NRCAM: variants seen among roughly 807,000 people sequenced by gnomAD.
The protein encoded by NRCAM is NgCAM-related cell adhesion molecule.
A neutral mutation model predicts 156.5 loss-of-function variants in NRCAM; 83 were observed. The ratio of observed to expected loss-of-function variants is 0.53; its 90% confidence interval spans 0.44 to 0.64. The LOEUF (loss-of-function observed/expected upper bound fraction) is 0.64. Ranked by LOEUF, NRCAM falls within the 30% of genes least tolerant of loss-of-function variation. The pLI is 0.00. For missense variants in NRCAM, 1,417 were observed against 1,597.3 expected, an observed-to-expected ratio of 0.89 and a Z score of 1.92; for synonymous variants, 538 against 563.9, an observed-to-expected ratio of 0.95 and a Z score of 0.65.
intron 2 of NRCAM, among the ~76,000 whole-genome samples, chr7:108,360,883 T>C (rs895393210): frequency 1.3e-5 from 2 of 152,078 alleles, no homozygotes; most frequent in Non-Finnish European, 2.9e-5. Context: ...GCTAAAACCA[T>C]AAAACTATTA....
intron 32 of NRCAM, among the ~76,000 whole-genome samples, chr7:108,155,182 T>C (rs1399674967): frequency 6.7e-6 from 1 of 148,696 alleles, no homozygotes; most frequent in Non-Finnish European, 1.5e-5. Flanking sequence ...TTTAATGGAG[T>C]AGGCAGCAGT....
At chr7:108,410,925 G>A (rs986404538) in intron 1 of NRCAM, among the ~76,000 whole-genome samples, 11 of 152,170 alleles carry the variant, frequency 7.2e-5, no homozygotes, top group Admixed American at 4.6e-4. Context: ...AACATCTTTC[G>A]TATCATCCCG....
intron 1 of NRCAM, among the ~76,000 whole-genome samples, chr7:108,420,039 C>CGTGTGTGTGTGTGTGT (rs35840496): frequency 1.4e-5 from 2 of 146,640 alleles, no homozygotes; most frequent in African/African-American, 5.1e-5. Context: ...TTAGTTCCAT[C>CGTGTGTGTGTGTGTGT]GTGTGTGTGT....
At chr7:108,395,026 T>A (rs2154382680) in intron 2 of NRCAM, among the ~76,000 whole-genome samples, 1 of 152,322 alleles carries the variant, frequency 6.6e-6, no homozygotes, top group South Asian at 2.1e-4. Context: ...CAGATGCTTT[T>A]AAAAAGCTAG....
At chr7:108,383,193 A>G (rs2099709762) in intron 2 of NRCAM, among the ~76,000 whole-genome samples, 1 of 151,834 alleles carries the variant, frequency 6.6e-6, no homozygotes, top group Non-Finnish European at 1.5e-5. Context: ...TTCTAAAGTC[A>G]CTCCTGTCTG....
chr7:108,275,377 T>C (rs2097554352), intron 3 of NRCAM, among the ~76,000 whole-genome samples: 1 of 152,198 alleles, frequency 6.6e-6, no homozygotes, highest in Admixed American at 6.5e-5. Flanking sequence ...CTGGACTTTT[T>C]TGATTGGTAG....
chr7:108,355,307 A>G (rs2099484693), intron 2 of NRCAM, among the ~76,000 whole-genome samples: 1 of 152,250 alleles, frequency 6.6e-6, no homozygotes, highest in Non-Finnish European at 1.5e-5. Context: ...CCTGGTGAGG[A>G]GCATAAGTTT....
rs190216317 is a variant in NRCAM, at chr7:108,445,907, A to G, written c.-332+10336T>C. Among the ~76,000 whole-genome samples the G allele has an allele frequency of 3.3e-5, 5 of 152,342 alleles. No homozygotes were observed. The East Asian group carries it at 9.6e-4, about 29-fold the overall frequency. ...AAAGTTCCATTTTTAAAGCTACAGCATGAGAGCTTCTGATCTGTTTCACAA... is the reference window on the plus strand; with the variant it reads ...AAAGTTCCATTTTTAAAGCTACAGCGTGAGAGCTTCTGATCTGTTTCACAA... On this transcript the variant is annotated intron_variant, in intron 1 of 32. Coordinates refer to ENST00000379028, the MANE Select transcript of NRCAM (RefSeq NM_001037132.4).
At chr7:108,250,993 G>A (rs1186760624) in intron 3 of NRCAM, among the ~76,000 whole-genome samples, 1 of 152,102 alleles carries the variant, frequency 6.6e-6, no homozygotes, top group Non-Finnish European at 1.5e-5. Context: ...AGTATTTTCG[G>A]CCAAAGTATC....
intron 11 of NRCAM, among the ~76,000 whole-genome samples, chr7:108,210,993 C>T (rs776077831): frequency 6.6e-6 from 1 of 152,202 alleles, no homozygotes; most frequent in East Asian, 1.9e-4. Flanking sequence ...TGGAGGCTTG[C>T]ATCGTGAATT....
At chr7:108,317,023 C>T (rs1206283156) in intron 2 of NRCAM, among the ~76,000 whole-genome samples, 4 of 152,172 alleles carry the variant, frequency 2.6e-5, no homozygotes, top group South Asian at 2.1e-4. Flanking sequence ...GTCTTTTCCA[C>T]GCCTCCTATC....
chr7:108,398,550 ACTT>A lies in NRCAM; in HGVS notation c.-174+883_-174+885del, dbSNP rs545324461. 5.6e-3 allele frequency among the ~76,000 whole-genome samples: 852 copies of A among 152,148 alleles called. 9 individuals carry two copies. Among genetic ancestry groups the A allele is most frequent in the African/African-American group, 0.019 (798 of 41,490 alleles). ...ACCTTCCTTTCACACATATGCCATA[ACTT>A]CTTACTTTCTCACATGGATTTCACA... is the stretch of plus-strand genomic sequence containing the variant. On this transcript the variant is annotated intron_variant, in intron 2 of 32. Coordinates refer to ENST00000379028, the MANE Select transcript of NRCAM (RefSeq NM_001037132.4).
At chr7:108,391,706 C>A (rs1339177010) in intron 2 of NRCAM, among the ~76,000 whole-genome samples, 1 of 152,200 alleles carries the variant, frequency 6.6e-6, no homozygotes, top group East Asian at 1.9e-4. Flanking sequence ...TTTGCAGTGG[C>A]TGGTGCCGGT....
chr7:108,386,702 T>C (rs2099741848), intron 2 of NRCAM, among the ~76,000 whole-genome samples: 1 of 152,172 alleles, frequency 6.6e-6, no homozygotes, highest in Non-Finnish European at 1.5e-5. Flanking sequence ...TGTTGTTATA[T>C]GTTCAGAAAA....
chr7:108,307,314 C>T (rs1036309272), intron 3 of NRCAM, among the ~76,000 whole-genome samples: 1 of 152,204 alleles, frequency 6.6e-6, no homozygotes, highest in Non-Finnish European at 1.5e-5. Context: ...ATCAACACTG[C>T]TATAACGGCT....
intron 2 of NRCAM, among the ~76,000 whole-genome samples, chr7:108,353,673 T>A (rs7804045): frequency 6.6e-6 from 1 of 152,052 alleles, no homozygotes; most frequent in African/African-American, 2.4e-5. Context: ...TAGAATAAAG[T>A]CTTCATGAAA....
rs114582637 is a variant in NRCAM at position 108,412,942 on chromosome 7, A to G, written c.-331-13349T>C. Among the ~76,000 whole-genome samples, 1,006 of 152,264 alleles carry G rather than the reference A, an allele frequency of 6.6e-3. 9 individuals are homozygous for G. Among genetic ancestry groups the G allele is most frequent in the African/African-American group, 0.021 (865 of 41,558 alleles). On this transcript the variant is annotated intron_variant, in intron 1 of 32. Transcript: ENST00000379028. ...TAGACTGCATTTTCTTTATCCATTC[A>G]TCCATAGATAAACACTTCGGTTGAT...
chr7:108,225,809 T>A, intron 9 of NRCAM, 108 bp from the exon 10 acceptor site: 1 of 772,124 alleles, frequency 1.3e-6, no homozygotes. Flanking sequence ...CGAGTGCTGT[T>A]CCTATCAAGT....
chr7:108,289,934 A>C (rs2154117001), intron 3 of NRCAM, among the ~76,000 whole-genome samples: 1 of 152,264 alleles, frequency 6.6e-6, no homozygotes, highest in South Asian at 2.1e-4. Flanking sequence ...GAACAACTGT[A>C]ATATAATAAA....
Sources: allele counts gnomAD v4.1 joint callset (sites outside exome capture counted in the v4.1 genomes callset), GRCh38; gene constraint gnomAD v4.1.1; transcripts MANE v1.5; gene names NCBI Gene and HGNC (gene_info 2026-07-23, HGNC 2026-07-21).